CTBP2: variants seen among roughly 807,000 people sequenced by gnomAD.
CTBP2 encodes the protein C-terminal binding protein 2.
CTBP2 carries 30 observed loss-of-function variants against 80.3 expected under a neutral mutation model. The ratio of observed to expected loss-of-function variants is 0.37; its 90% CI spans 0.28 to 0.51. The LOEUF (loss-of-function observed/expected upper bound fraction) is 0.51. Among genes scored for constraint, CTBP2 ranks in the 20% least tolerant of loss-of-function variants. The pLI is 0.93. For synonymous variants in CTBP2, 594 were observed against 587.4 expected (o/e 1.01, Z -0.16); for missense variants, 1,212 against 1,375.3 (o/e 0.88, Z 1.88).
In CTBP2 at chr10:125,147,085, G is replaced by A. The variant is rs886691182; in HGVS notation, c.-206+13234C>T. Among the ~76,000 whole-genome samples the A allele has an allele frequency of 3.3e-5, 5 of 152,188 alleles. No homozygotes were observed. The East Asian group carries it at 5.8e-4, about 18-fold the overall frequency. On this transcript the variant is annotated intron_variant, in intron 1 of 10. Transcript: ENST00000337195. ...CAGCCCTGGTCACTGACCGGCAAAC[G>A]CACCCATTCCTCAGGGACCTGGGAG...
intron 2 of CTBP2, among the ~76,000 whole-genome samples, chr10:125,051,611 G>A (rs1450701311): frequency 6.6e-6 from 1 of 151,112 alleles, no homozygotes; most frequent in Non-Finnish European, 1.5e-5. Context: ...CTGCACACTA[G>A]CCTGGGCAAC....
At chr10:124,991,100 T>G (rs1365455590) in intron 8 of CTBP2, among the ~76,000 whole-genome samples, 2 of 152,176 alleles carry the variant, frequency 1.3e-5, no homozygotes, top group East Asian at 1.9e-4. Context: ...CTCGGGCTGG[T>G]TTTATATTGC....
At chr10:125,103,002 T>C (rs1048256455) in intron 2 of CTBP2, among the ~76,000 whole-genome samples, 5 of 152,200 alleles carry the variant, frequency 3.3e-5, no homozygotes, top group Non-Finnish European at 5.9e-5. Context: ...ACACCCTACC[T>C]GCATGGGTTT....
At chr10:125,127,237 C>A (rs987999218) in intron 1 of CTBP2, among the ~76,000 whole-genome samples, 2 of 152,142 alleles carry the variant, frequency 1.3e-5, no homozygotes, top group East Asian at 3.9e-4. Context: ...TCTGCTCACC[C>A]GCAACCACTG....
At chr10:125,076,958 A>G (rs1330109855) in intron 2 of CTBP2, among the ~76,000 whole-genome samples, 2 of 152,224 alleles carry the variant, frequency 1.3e-5, no homozygotes, top group Non-Finnish European at 2.9e-5. Flanking sequence ...TAATTACAAT[A>G]ACAAGAAATA....
chr10:125,119,698 T>C (rs1006009358), intron 1 of CTBP2, among the ~76,000 whole-genome samples: 4 of 152,256 alleles, frequency 2.6e-5, no homozygotes, highest in Admixed American at 2.0e-4. Context: ...TTCTCCATGC[T>C]AAGATTAAAA....
At chr10:125,128,178 T>C (rs1189862225) in intron 1 of CTBP2, among the ~76,000 whole-genome samples, 1 of 152,100 alleles carries the variant, frequency 6.6e-6, no homozygotes. Flanking sequence ...CAAGTGTCCA[T>C]CCTCACACGG....
intron 1 of CTBP2, among the ~76,000 whole-genome samples, chr10:125,003,770 GCCAGCACAGGCTAGT>G (rs1954861193): frequency 6.6e-6 from 1 of 152,238 alleles, no homozygotes; most frequent in Non-Finnish European, 1.5e-5. Context: ...GGGCCCCGAG[GCCAGCACAGGCTAGT>G]CCAGCACAGG....
intron 1 of CTBP2, among the ~76,000 whole-genome samples, chr10:125,133,164 T>C (rs564018786): frequency 6.6e-6 from 1 of 152,302 alleles, no homozygotes; most frequent in African/African-American, 2.4e-5. Context: ...AGAGCATGTG[T>C]CTGGTGCATG....
intron 1 of CTBP2, among the ~76,000 whole-genome samples, chr10:125,007,609 G>A (rs545330014): frequency 2.0e-5 from 3 of 152,322 alleles, no homozygotes; most frequent in African/African-American, 7.2e-5. Context: ...GATACAGGCA[G>A]ACAGGCCTGG....
chr10:125,156,277 A>C (rs1353323126), intron 1 of CTBP2, among the ~76,000 whole-genome samples: 3 of 152,180 alleles, frequency 2.0e-5, no homozygotes, highest in Non-Finnish European at 4.4e-5. Flanking sequence ...CTTTTCCCTG[A>C]TAGATTAACA....
At position 125,066,955 on chromosome 10, in the gene CTBP2, T is replaced by A. The variant is rs762183946; in HGVS notation, c.-101-27800A>T. On this transcript the variant is annotated intron_variant, in intron 2 of 10. Transcript: ENST00000337195. The surrounding 1 kb of genome is among the most constrained non-coding windows in gnomAD (Gnocchi z 4.1). Reference sequence around the variant, plus strand: ...TTGGTCAGCTGAACGCAGGCAAGGCTGCTGAATTCCTGAAGTCCCCGCCTG... The same window carrying A: ...TTGGTCAGCTGAACGCAGGCAAGGCAGCTGAATTCCTGAAGTCCCCGCCTG... 4.6e-5 allele frequency among the ~76,000 whole-genome samples: 7 copies of A among 152,134 alleles called. No homozygotes were observed. The highest frequency in any genetic ancestry group is 1.0e-4 in the Non-Finnish European group (7 of 68,034).
chr10:125,144,362 A>G (rs1226930429), intron 1 of CTBP2, among the ~76,000 whole-genome samples: 2 of 152,250 alleles, frequency 1.3e-5, no homozygotes, highest in Non-Finnish European at 2.9e-5. Context: ...CTGTGAGCCC[A>G]GCCTATGCGG....
intron 1 of CTBP2, among the ~76,000 whole-genome samples, chr10:125,018,344 G>A (rs1453271092): frequency 6.6e-6 from 1 of 152,124 alleles, no homozygotes. Flanking sequence ...GGCCAACATG[G>A]AGAAATCCCA....
intron 2 of CTBP2, among the ~76,000 whole-genome samples, chr10:125,094,920 A>T (rs1849327613): frequency 6.6e-6 from 1 of 151,960 alleles, no homozygotes; most frequent in Non-Finnish European, 1.5e-5. Flanking sequence ...AGGGACAAGT[A>T]AGTGCATCAA....
In CTBP2 at chr10:125,003,089, C is replaced by T. The variant is rs748896311; in HGVS notation, c.1849G>A (p.Val617Met). Residue 617 changes from valine (V) to methionine (M), a missense_variant, in exon 3 of 9, where the codon GTG becomes ATG. Around this residue, in one of 3 missense-constraint regions of CTBP2, gnomAD observed 29 missense variants for 88.3 expected, o/e 0.33. Transcript: ENST00000309035. ...ATGGTGTGGTACATCATGGCGCCCACGGCTTCGTTTAGAACCTGCGTGGGA... is the reference window on the plus strand; with the variant it reads ...ATGGTGTGGTACATCATGGCGCCCATGGCTTCGTTTAGAACCTGCGTGGGA... 1 of 1,614,008 alleles carries T rather than the reference C, an allele frequency of 6.2e-7. No individual in the cohort carries two copies.
intron 2 of CTBP2, among the ~76,000 whole-genome samples, chr10:125,086,368 C>T (rs1451176603): frequency 6.6e-6 from 1 of 152,078 alleles, no homozygotes; most frequent in African/African-American, 2.4e-5. Context: ...CTCATCTCTA[C>T]TAAAAATACA....
chr10:125,128,592 G>A (rs1855644197), intron 1 of CTBP2, among the ~76,000 whole-genome samples: 1 of 152,170 alleles, frequency 6.6e-6, no homozygotes, highest in South Asian at 2.1e-4. Context: ...TGCTAGTAGG[G>A]AGGTGGGGGT....
At chr10:125,128,148 G>A (rs1855567706) in intron 1 of CTBP2, among the ~76,000 whole-genome samples, 1 of 152,186 alleles carries the variant, frequency 6.6e-6, no homozygotes, top group Non-Finnish European at 1.5e-5. Flanking sequence ...GGGAGCAGCT[G>A]TCTAGAATAC....
Sources: gnomAD v4.1 joint callset for allele counts (sites outside exome capture counted in the v4.1 genomes callset) on GRCh38, gnomAD v4.1.1 for gene constraint, gnomAD v4.1.1 regional missense constraint, Gnocchi (gnomAD v3.1) non-coding constraint, MANE v1.5 for transcripts, NCBI Gene and HGNC (gene_info 2026-07-23, HGNC 2026-07-21) for gene names.